C13orf46: variants seen among roughly 807,000 people sequenced by gnomAD.
C13orf46 encodes chromosome 13 open reading frame 46.
At chr13:113,945,668 GAAAGGAAAGAAAAAC>G in the C13orf46 span, among the ~76,000 whole-genome samples, 1 of 133,696 alleles carries the variant, frequency 7.5e-6, no homozygotes, top group South Asian at 2.3e-4. Flanking sequence ...AAGAAAGAAA[GAAAGGAAAGAAAAAC>G]AAACCAAGTC....
chr13:113,965,808 G>A (rs1280290149), intron 5 of C13orf46, among the ~76,000 whole-genome samples: 6 of 149,438 alleles, frequency 4.0e-5, no homozygotes, highest in Non-Finnish European at 8.9e-5. Context: ...TGGTGATGAT[G>A]GTGAAGGTGA....
chr13:113,937,048 T>A, the C13orf46 span, among the ~76,000 whole-genome samples: 2 of 151,248 alleles, frequency 1.3e-5, no homozygotes, highest in African/African-American at 4.9e-5. Flanking sequence ...TGCGGAAGGG[T>A]TATTATCATT....
downstream of C13orf46, among the ~76,000 whole-genome samples, chr13:113,951,612 C>G (rs1239413914): frequency 6.6e-6 from 1 of 151,006 alleles, no homozygotes; most frequent in African/African-American, 2.4e-5. Context: ...TCCCCGCCCC[C>G]CATGCCCTGC....
the C13orf46 span, among the ~76,000 whole-genome samples, chr13:113,936,710 G>A: frequency 6.6e-6 from 1 of 152,188 alleles, no homozygotes; most frequent in East Asian, 1.9e-4. Context: ...AAGGGCGCTT[G>A]CTGCTGACTG....
Position 113,973,837 on chromosome 13 carries a change from C to G in C13orf46, c.161G>C (p.Ser54Thr), listed in dbSNP as rs2052735144. 1 of 152,300 alleles carries G rather than the reference C, an allele frequency of 6.6e-6. No individual in the cohort carries two copies. The highest frequency in any genetic ancestry group is 1.5e-5 in the Non-Finnish European group (1 of 68,078). The allele number at this position is 152,300 out of a possible 1,614,324, so 9.4% of individuals were successfully genotyped here. The stretch of plus-strand genomic sequence containing the variant: ...CTCCTTGTGAGGCTTCCTAGGGCGG[C>G]TGGGAGGGTCCCCCTCGGGCTGCAG... Reference protein sequence around the residue: ...GGLQPEGDPPSRPRKPHKELE... With the variant: ...GGLQPEGDPPTRPRKPHKELE... The change falls in exon 1 of 7, where the codon AGC (serine) becomes ACC (threonine). Residue 54 changes from serine (S) to threonine (T), a missense_variant. By Grantham distance (58) the Ser-to-Thr change is moderately conservative. Coordinates refer to ENST00000636427, the MANE Select transcript of C13orf46 (RefSeq NM_001365455.2).
chr13:113,936,458 G>C, the C13orf46 span, among the ~76,000 whole-genome samples: 1 of 152,176 alleles, frequency 6.6e-6, no homozygotes, highest in Non-Finnish European at 1.5e-5. Flanking sequence ...TTCCGGGCAA[G>C]TCCTCCACTT....
At chr13:113,967,035 G>T (rs2052656955) in intron 5 of C13orf46, among the ~76,000 whole-genome samples, 1 of 152,142 alleles carries the variant, frequency 6.6e-6, no homozygotes, top group Non-Finnish European at 1.5e-5. Flanking sequence ...CCATCCCAAC[G>T]TGATCCCCCA....
At chr13:113,963,576 T>A (rs1281555495) in intron 6 of C13orf46, among the ~76,000 whole-genome samples, 3 of 136,984 alleles carry the variant, frequency 2.2e-5, no homozygotes, top group Non-Finnish European at 3.1e-5. Context: ...GCCTCGCCCC[T>A]GTCCTCAGCC....
chr13:113,972,762 G>T (rs1342525842), intron 1 of C13orf46, among the ~76,000 whole-genome samples: 1 of 152,328 alleles, frequency 6.6e-6, no homozygotes, highest in African/African-American at 2.4e-5. Flanking sequence ...GCTCCTGGCA[G>T]GGACCCAGGC....
At chr13:113,934,835 G>T in the C13orf46 span, among the ~76,000 whole-genome samples, 11 of 152,364 alleles carry the variant, frequency 7.2e-5, 1 homozygote, top group South Asian at 1.2e-3. Context: ...CTTGGTAGGT[G>T]CCCCAGTTAT....
At chr13:113,967,794 C>T (rs1368357459) in intron 4 of C13orf46, among the ~76,000 whole-genome samples, 1 of 152,164 alleles carries the variant, frequency 6.6e-6, no homozygotes. Flanking sequence ...AGGCAGCACT[C>T]CTGCCCCACA....
chr13:113,945,714 G>T, the C13orf46 span, among the ~76,000 whole-genome samples: 1 of 152,172 alleles, frequency 6.6e-6, no homozygotes, highest in African/African-American at 2.4e-5. Context: ...CTACTCCCAA[G>T]TCAAGGCCCT....
At chr13:113,945,621 AAAGAAAG>A in the C13orf46 span, among the ~76,000 whole-genome samples, 1 of 122,790 alleles carries the variant, frequency 8.1e-6, no homozygotes, top group Non-Finnish European at 1.8e-5. Context: ...AGAAAGAAAG[AAAGAAAG>A]AAAGAAAGAA....
At chr13:113,948,457 G>C in the C13orf46 span, among the ~76,000 whole-genome samples, 2 of 152,258 alleles carry the variant, frequency 1.3e-5, no homozygotes, top group Non-Finnish European at 2.9e-5. Context: ...GGCGGCTTCA[G>C]TGCCTGGGAC....
At chr13:113,951,387 C>T (rs1283798139), downstream of C13orf46, among the ~76,000 whole-genome samples, 2 of 152,188 alleles carry the variant, frequency 1.3e-5, no homozygotes, top group African/African-American at 4.8e-5. Flanking sequence ...TTGTGGGAGG[C>T]GCCCGACGTC....
chr13:113,951,718 G>A (rs996513584), downstream of C13orf46, among the ~76,000 whole-genome samples: 5 of 152,202 alleles, frequency 3.3e-5, no homozygotes, highest in South Asian at 2.1e-4. Context: ...CACAGGCGTC[G>A]CCAGGCCATG....
At chr13:113,933,239 G>T in the C13orf46 span, among the ~76,000 whole-genome samples, 44 of 152,256 alleles carry the variant, frequency 2.9e-4, 1 homozygote, top group South Asian at 9.1e-3. Context: ...TTGCTTATGG[G>T]TGTCCAAATG....
Position 113,956,188 on chromosome 13 carries a change from C to T in C13orf46, c.*585G>A, listed in dbSNP as rs1012707661. 1.7e-4 allele frequency: 25 copies of T among 148,516 alleles called. No individual in the cohort carries two copies. Among genetic ancestry groups the T allele is most frequent in the Non-Finnish European group, 2.8e-4 (19 of 68,916 alleles). The allele number at this position is 148,516 out of a possible 1,614,324, so 9.2% of individuals were successfully genotyped here. On this transcript the variant is annotated 3_prime_UTR_variant, in exon 7 of 7. Transcript: ENST00000636427. ...GCATCCGGCGGAGACAAGGAGCATC[C>T]GGTGGAGACGAGGAGCACCCGGTGG...
At chr13:113,949,677 C>T (rs984566318), downstream of C13orf46, among the ~76,000 whole-genome samples, 11 of 152,358 alleles carry the variant, frequency 7.2e-5, no homozygotes, top group East Asian at 1.5e-3. Flanking sequence ...GCAGATGCCC[C>T]GACAAGCTGT....
Sources: allele counts gnomAD v4.1 joint callset (sites outside exome capture counted in the v4.1 genomes callset), GRCh38; gene constraint gnomAD v4.1.1; transcripts MANE v1.5; gene names NCBI Gene and HGNC (gene_info 2026-07-23, HGNC 2026-07-21).